The following BRD2 variants were observed in gnomAD, a reference collection of about 807,000 sequenced individuals.
BRD2 encodes the protein bromodomain-containing protein 2.
BRD2 carries 15 observed loss-of-function variants against 79.1 expected under a neutral mutation model. That is an observed-to-expected ratio of 0.19 (90% CI 0.13 to 0.29). The LOEUF is 0.29. Among genes scored for constraint, BRD2 ranks in the 10% least tolerant of loss-of-function variants. The pLI is 1.00. For missense variants in BRD2, 1,053 were observed against 991.3 expected (o/e 1.06, Z -0.84); for synonymous variants, 488 against 358.6 (o/e 1.36, Z -4.08).
intron 6 of BRD2, 26 bp from the exon 7 acceptor site, chr6:32,976,536 G>T: frequency 1.3e-6 from 2 of 1,592,508 alleles, no homozygotes; most frequent in Non-Finnish European, 1.7e-6. Flanking sequence ...GGAGTGACAG[G>T]TTCCCTATCT....
chr6:32,975,050 G>T, intron 3 of BRD2: 1 of 1,522,166 alleles, frequency 6.6e-7, no homozygotes, highest in Non-Finnish European at 8.8e-7. Flanking sequence ...AGAGGACCAC[G>T]GTGGCCAAAA....
rs767939849 is a variant in BRD2, at chr6:32,976,762, G to A, written c.1026G>A (p.Lys342=). 1.9e-6 allele frequency: 3 copies of A among 1,613,286 alleles called. No individual in the cohort carries two copies. Among genetic ancestry groups the A allele is most frequent in the Admixed American group, 1.7e-5 (1 of 60,030 alleles). ...PDSQQQHQSS[K]KGKLSEQLKH... ...CTCAGCAACAACACCAGAGCTCTAA[G>A]AAAGGAAAGCTTTCAGAACAGTTAA... Residue 342 remains lysine (K), a synonymous_variant, in exon 7 of 13, where the codon AAG becomes AAA. Coordinates refer to ENST00000374825, the MANE Select transcript of BRD2 (RefSeq NM_005104.4).
At chr6:32,969,244 G>A in intron 1 of BRD2, 188 bp downstream of exon 1, 1 of 597,720 alleles carries the variant, frequency 1.7e-6, no homozygotes, top group Non-Finnish European at 3.2e-6. Context: ...GGGGGGAGGG[G>A]AATGGCCAGC....
intron 2 of BRD2, among the ~76,000 whole-genome samples, chr6:32,973,839 A>G (rs1561932402): frequency 6.6e-6 from 1 of 152,096 alleles, no homozygotes; most frequent in Non-Finnish European, 1.5e-5. Flanking sequence ...CGGGCTGTGA[A>G]GTCTGACAAA....
At position 32,977,904 on chromosome 6, in the gene BRD2, G is replaced by A; in HGVS notation, c.1477G>A (p.Glu493Lys). 1.2e-6 allele frequency: 2 copies of A among 1,612,868 alleles called. No individual in the cohort carries two copies. The highest frequency in any genetic ancestry group is 2.2e-5 in the East Asian group (1 of 44,876). ...AAGTAGCAGTGAGAGCTCCTCTGAG[G>A]AAGAGGAGGAGGAAGATGAGGAGGA... is the stretch of plus-strand genomic sequence containing the variant. ...EESSSESSSE[E>K]EEEEDEEDEE... Residue 493 changes from glutamate to lysine, a missense_variant, in exon 9 of 13, where the codon GAA becomes AAA. Glu to Lys is a moderately conservative substitution (Grantham distance 56). Around this residue, in one of 5 missense-constraint regions of BRD2, gnomAD observed 454 missense variants for 430.5 expected, o/e 1.05. Transcript: ENST00000374825.
In BRD2 at chr6:32,976,388, T is replaced by C; in HGVS notation, c.749T>C (p.Leu250Pro). The C allele has an allele frequency of 6.2e-7, 1 of 1,612,998 alleles. No individual in the cohort carries two copies. The highest frequency in any genetic ancestry group is 8.5e-7 in the Non-Finnish European group (1 of 1,180,030). Residue 250 changes from leucine to proline, a missense_variant, in exon 6 of 13, where the codon CTT (leucine) becomes CCT (proline). Coordinates refer to ENST00000374825, the MANE Select transcript of BRD2 (RefSeq NM_005104.4). ...CACCCATCAGTCATTTCCTCTCCACTTCTCAAGTCCTTGCACTCTGCTGGA... is the reference window on the plus strand; with the variant it reads ...CACCCATCAGTCATTTCCTCTCCACCTCTCAAGTCCTTGCACTCTGCTGGA... ...IPHPSVISSP[L>P]LKSLHSAGPP... is the part of the protein sequence containing the mutation.
chr6:32,973,586 A>G (rs1274465988), intron 2 of BRD2, among the ~76,000 whole-genome samples: 3 of 152,122 alleles, frequency 2.0e-5, no homozygotes, highest in African/African-American at 7.2e-5. Context: ...TGATGTTTTA[A>G]TTCTTAGGTG....
At chr6:32,975,107 C>G in intron 3 of BRD2, 1 of 1,509,814 alleles carries the variant, frequency 6.6e-7, no homozygotes, top group African/African-American at 1.4e-5. Flanking sequence ...ATAGCCAGCC[C>G]CAGAGGTAAT....
intron 4 of BRD2, 101 bp from the exon 5 acceptor site, chr6:32,975,930 T>A: frequency 7.6e-7 from 1 of 1,318,798 alleles, no homozygotes; most frequent in Non-Finnish European, 1.0e-6. Flanking sequence ...GGTGGGGGTA[T>A]GGTAATGGCC....
intron 10 of BRD2, chr6:32,979,178 A>T (rs1267693232): frequency 6.4e-6 from 1 of 157,136 alleles, no homozygotes; most frequent in Non-Finnish European, 1.4e-5. Flanking sequence ...CAGCCTCCCA[A>T]GTAGCCAGGA....
chr6:32,975,932 GTA>G, intron 4 of BRD2, 97 bp from the exon 5 acceptor site: 2 of 1,353,790 alleles, frequency 1.5e-6, no homozygotes, highest in Non-Finnish European at 2.0e-6. Flanking sequence ...TGGGGGTATG[GTA>G]ATGGCCTAGG....
Position 32,972,687 on chromosome 6 carries a change from C to A in BRD2, c.-212C>A. 1 of 658,450 alleles carries A rather than the reference C, an allele frequency of 1.5e-6. No individual in the cohort carries two copies. The highest frequency in any genetic ancestry group is 2.6e-6 in the Non-Finnish European group (1 of 387,484). 40.8% of individuals were successfully genotyped at this position (658,450 alleles called of 1,614,324 possible). ...CCGCCGCCATTTTCTTGCTGTCCGC[C>A]GTCTGCAGAGCGCGCCAAGCTGCCC... On this transcript the variant is annotated 5_prime_UTR_variant, in exon 2 of 13. Coordinates refer to ENST00000374825, the MANE Select transcript of BRD2 (RefSeq NM_005104.4).
At chr6:32,974,428 C>G in intron 2 of BRD2, 34 bp from the exon 3 acceptor site, 1 of 1,579,728 alleles carries the variant, frequency 6.3e-7, no homozygotes, top group Non-Finnish European at 8.6e-7. Context: ...CTCATTTGGA[C>G]GATATTGCCC....
At position 32,977,773 on chromosome 6, in the gene BRD2, G is replaced by A. The variant is rs1215634150; in HGVS notation, c.1346G>A (p.Arg449His). 4.3e-6 allele frequency: 7 copies of A among 1,612,938 alleles called. No individual in the cohort carries two copies. The highest frequency in any genetic ancestry group is 5.9e-6 in the Non-Finnish European group (7 of 1,180,030). The part of the protein sequence containing the change: ...ARKLQDVFEF[R>H]YAKMPDEPLE... ...TCTTTGTAGGATGTATTTGAGTTCC[G>A]TTATGCCAAGATGCCAGATGAACCA... Residue 449 changes from arginine (R) to histidine (H), a missense_variant, in exon 9 of 13, where the codon CGT (arginine) becomes CAT (histidine). Around this residue, in one of 5 missense-constraint regions of BRD2, gnomAD observed 454 missense variants for 430.5 expected, o/e 1.05. Transcript: ENST00000374825.
rs1437480009 is a variant in BRD2 at position 32,976,613 on chromosome 6, A to G, written c.877A>G (p.Ile293Val). ...ADTTTPTPTA[I>V]LAPGSPASPP... ...TACTACCACCCCTACACCTACAGCC[A>G]TCTTGGCTCCTGGTTCTCCAGCTAG... Residue 293 changes from isoleucine (I) to valine (V), a missense_variant, in exon 7 of 13, where the codon ATC becomes GTC. This residue lies in a region of BRD2 where 454 missense variants were observed against 430.5 expected (regional missense o/e 1.05). Transcript: ENST00000374825. The G allele has an allele frequency of 6.2e-7, 1 of 1,610,700 alleles. No individual in the cohort carries two copies. Among genetic ancestry groups the G allele is most frequent in the Non-Finnish European group, 8.5e-7 (1 of 1,179,598 alleles).
chr6:32,974,006 G>A (rs116011837), intron 2 of BRD2, among the ~76,000 whole-genome samples: 2 of 151,960 alleles, frequency 1.3e-5, no homozygotes, highest in Non-Finnish European at 2.9e-5. Context: ...GCATTTTATG[G>A]AATTTTTTAT....
rs1777716668 is a variant in BRD2 at position 32,969,106 on chromosome 6, A to G, written c.-1305+50A>G. 5 of 524,300 alleles carry G rather than the reference A, an allele frequency of 9.5e-6. 1 individual carries two copies. The highest frequency in any genetic ancestry group is 9.4e-5 in the Admixed American group (3 of 31,942). The allele number at this position is 524,300 out of a possible 1,614,324, so 32.5% of individuals were successfully genotyped here. A position where few individuals can be genotyped will look rare whatever the true frequency, so the allele number is the denominator to read the frequency against. On this transcript the variant is annotated intron_variant, in intron 1 of 12. Coordinates refer to ENST00000374825, the MANE Select transcript of BRD2 (RefSeq NM_005104.4). ...GAGATGTCAGTCAAGTGCTTAACCAATGGTGGGGAGTCCGGGAGGGGGATT... is the reference window on the plus strand; with the variant it reads ...GAGATGTCAGTCAAGTGCTTAACCAGTGGTGGGGAGTCCGGGAGGGGGATT...
rs1441891993 is a variant in BRD2 at position 32,971,736 on chromosome 6, G to T, written c.-1163G>T. On this transcript the variant is annotated 5_prime_UTR_variant, in exon 2 of 13. Transcript: ENST00000374825. Reference sequence around the variant, plus strand: ...TTGGCCAATGGAGGAGCTACGAATGGCACGACCTGCTCGAGCTTGGCAGTC... The same window carrying T: ...TTGGCCAATGGAGGAGCTACGAATGTCACGACCTGCTCGAGCTTGGCAGTC... The T allele has an allele frequency of 1.7e-6, 1 of 577,358 alleles. No individual in the cohort carries two copies. Among genetic ancestry groups the T allele is most frequent in the South Asian group, 2.1e-5 (1 of 48,378 alleles). The allele number at this position is 577,358 out of a possible 1,614,324, so 35.8% of individuals were successfully genotyped here.
At position 32,976,431 on chromosome 6, in the gene BRD2, T is replaced by C; in HGVS notation, c.792T>C (p.Val264=). Residue 264 remains valine (V), a synonymous_variant, in exon 6 of 13, where the codon GTT becomes GTC. Coordinates refer to ENST00000374825, the MANE Select transcript of BRD2 (RefSeq NM_005104.4). ...LHSAGPPLLA[V]TAAPPAQPLA... ...CTGCTGGACCCCCGCTCCTTGCTGT[T>C]ACTGCAGCTCCTCCAGCCCAGCCCC... 6.2e-7 allele frequency: 1 copy of C among 1,611,762 alleles called. No homozygotes were observed. The highest frequency in any genetic ancestry group is 8.5e-7 in the Non-Finnish European group (1 of 1,180,024).
Sources: gnomAD v4.1 joint callset for allele counts (sites outside exome capture counted in the v4.1 genomes callset) on GRCh38, gnomAD v4.1.1 for gene constraint, gnomAD v4.1.1 regional missense constraint, MANE v1.5 for transcripts, NCBI Gene and HGNC (gene_info 2026-07-23, HGNC 2026-07-21) for gene names.